The following HS3ST5 variants were observed in gnomAD, a reference collection of about 807,000 sequenced individuals.
The protein encoded by HS3ST5 is heparan sulfate-glucosamine 3-sulfotransferase 5, also known as heparan sulfate glucosamine 3-O-sulfotransferase 5.
HS3ST5 carries 10 observed loss-of-function variants against 25.4 expected under a neutral mutation model. The observed-to-expected ratio is 0.39, with a 90% CI of 0.24 to 0.67. The LOEUF is 0.67. Among genes scored for constraint, HS3ST5 ranks in the 30% least tolerant of loss-of-function variants. The pLI is 0.44. For missense variants in HS3ST5, 324 were observed against 420.7 expected (o/e 0.77, Z 2.01); for synonymous variants, 170 against 162.4 (o/e 1.05, Z -0.36).
At chr6:114,283,368 C>T in intron 1 of HS3ST5, among the ~76,000 whole-genome samples, 1 of 151,864 alleles carries the variant, frequency 6.6e-6, no homozygotes, top group East Asian at 1.9e-4. Context: ...TCATTAATAA[C>T]CTGTAAGACC....
chr6:114,338,030 T>C (rs1041118995), intron 1 of HS3ST5, among the ~76,000 whole-genome samples: 2 of 151,970 alleles, frequency 1.3e-5, no homozygotes, highest in African/African-American at 4.8e-5. Context: ...TTAATATGAG[T>C]AGAGCTCTTT....
chr6:114,324,964 A>G (rs1292042666), intron 1 of HS3ST5, among the ~76,000 whole-genome samples: 1 of 152,220 alleles, frequency 6.6e-6, no homozygotes, highest in Non-Finnish European at 1.5e-5. Flanking sequence ...AAATGATTAT[A>G]CTTGCAGGAA....
chr6:114,134,985 C>A (rs954010429), intron 3 of HS3ST5, among the ~76,000 whole-genome samples: 9 of 152,326 alleles, frequency 5.9e-5, no homozygotes, highest in African/African-American at 1.9e-4. Context: ...CTCAGAAACA[C>A]CAGGGGAGCA....
At chr6:114,262,603 C>A (rs1773228121) in intron 1 of HS3ST5, among the ~76,000 whole-genome samples, 1 of 151,818 alleles carries the variant, frequency 6.6e-6, no homozygotes, top group African/African-American at 2.4e-5. Context: ...TACTGATGTA[C>A]TTCCTCTCAC....
intron 3 of HS3ST5, among the ~76,000 whole-genome samples, chr6:114,127,324 A>G (rs955782629): frequency 6.6e-6 from 1 of 152,220 alleles, no homozygotes; most frequent in Non-Finnish European, 1.5e-5. Flanking sequence ...GATGCTGGAA[A>G]TAGGCATGAA....
At chr6:114,121,570 A>G (rs879467583) in intron 3 of HS3ST5, among the ~76,000 whole-genome samples, 3 of 152,160 alleles carry the variant, frequency 2.0e-5, no homozygotes, top group Non-Finnish European at 4.4e-5. Context: ...GTAGATAAAT[A>G]AAATTTTCTT....
intron 1 of HS3ST5, among the ~76,000 whole-genome samples, chr6:114,252,885 ATT>A (rs200398338): frequency 6.8e-6 from 1 of 147,764 alleles, no homozygotes; most frequent in Admixed American, 6.8e-5. Flanking sequence ...TGGTAACCAC[ATT>A]TTTTTTTTTA....
At chr6:114,292,722 G>C (rs1455352478) in intron 1 of HS3ST5, among the ~76,000 whole-genome samples, 1 of 152,022 alleles carries the variant, frequency 6.6e-6, no homozygotes, top group Non-Finnish European at 1.5e-5. Context: ...TATCCACAGG[G>C]GATTTGTTCC....
chr6:114,242,733 G>C (rs1231947169), intron 1 of HS3ST5, among the ~76,000 whole-genome samples: 1 of 151,930 alleles, frequency 6.6e-6, no homozygotes, highest in African/African-American at 2.4e-5. Flanking sequence ...GGCGCCTGTA[G>C]TCCCAGCTAC....
chr6:114,313,932 G>A (rs1273496087), intron 1 of HS3ST5, among the ~76,000 whole-genome samples: 2 of 151,962 alleles, frequency 1.3e-5, no homozygotes, highest in Admixed American at 6.6e-5. Context: ...CATTTTGTTT[G>A]TTTGTTTGTT....
intron 2 of HS3ST5, among the ~76,000 whole-genome samples, chr6:114,194,356 C>T (rs1290861154): frequency 6.6e-6 from 1 of 152,162 alleles, no homozygotes; most frequent in African/African-American, 2.4e-5. Flanking sequence ...GCCAAAGGGA[C>T]ATCAGAGAAA....
At chr6:114,322,079 A>G (rs985664863) in intron 1 of HS3ST5, among the ~76,000 whole-genome samples, 1 of 152,116 alleles carries the variant, frequency 6.6e-6, no homozygotes, top group Non-Finnish European at 1.5e-5. Context: ...TTGGCATGAT[A>G]ATTCTTGTTA....
At chr6:114,094,387 T>C (rs935146425) in intron 3 of HS3ST5, among the ~76,000 whole-genome samples, 2 of 152,254 alleles carry the variant, frequency 1.3e-5, no homozygotes, top group Non-Finnish European at 2.9e-5. Context: ...TTAGGTATTC[T>C]TGGAGTTTGC....
chr6:114,100,167 C>T (rs925196897), intron 3 of HS3ST5, among the ~76,000 whole-genome samples: 1 of 152,120 alleles, frequency 6.6e-6, no homozygotes, highest in African/African-American at 2.4e-5. Context: ...ATGTGTGTTA[C>T]GAACCATACA....
chr6:114,335,530 T>C (rs989420540), intron 1 of HS3ST5, among the ~76,000 whole-genome samples: 2 of 152,210 alleles, frequency 1.3e-5, no homozygotes, highest in African/African-American at 4.8e-5. Flanking sequence ...GCAAAAACTT[T>C]CATTCTTTTC....
intron 1 of HS3ST5, among the ~76,000 whole-genome samples, chr6:114,321,500 C>T (rs1044625041): frequency 2.6e-5 from 4 of 152,066 alleles, no homozygotes; most frequent in Non-Finnish European, 4.4e-5. Context: ...GTTCCACATT[C>T]TCTGTAAGAC....
At chr6:114,191,730 T>C (rs1562232355) in intron 2 of HS3ST5, among the ~76,000 whole-genome samples, 1 of 152,178 alleles carries the variant, frequency 6.6e-6, no homozygotes, top group African/African-American at 2.4e-5. Context: ...AACTATTTTC[T>C]GAGGAAATGT....
At chr6:114,151,313 C>T (rs1457503525) in intron 3 of HS3ST5, among the ~76,000 whole-genome samples, 1 of 152,178 alleles carries the variant, frequency 6.6e-6, no homozygotes, top group African/African-American at 2.4e-5. Context: ...AAGATGTTCT[C>T]ATTATATGGA....
chr6:114,271,340 A>G (rs1323820504), intron 1 of HS3ST5, among the ~76,000 whole-genome samples: 1 of 151,986 alleles, frequency 6.6e-6, no homozygotes, highest in Non-Finnish European at 1.5e-5. Flanking sequence ...TCTCTTTTAT[A>G]ATTTTTGGAG....
Sources: allele counts gnomAD v4.1 joint callset (sites outside exome capture counted in the v4.1 genomes callset), GRCh38; gene constraint gnomAD v4.1.1; transcripts MANE v1.5; gene names NCBI Gene and HGNC (gene_info 2026-07-23, HGNC 2026-07-21).